NLRP7: variants seen among roughly 807,000 people sequenced by gnomAD.
The protein encoded by NLRP7 is NLR family pyrin domain containing 7, also known as NACHT, LRR and PYD domains-containing protein 7.
Under a neutral mutation model 85.5 loss-of-function variants are expected in NLRP7, and 72 were observed. The observed-to-expected ratio is 0.84, with a 90% confidence interval of 0.70 to 1.02. The LOEUF is 1.02. Among genes scored for constraint, NLRP7 ranks in the 50% least tolerant of loss-of-function variants. NLRP7 has a pLI of 0.00. For missense variants in NLRP7, 1,243 were observed against 1,219.5 expected (o/e 1.02, Z -0.29); for synonymous variants, 550 against 505.2 (o/e 1.09, Z -1.19).
chr19:54,937,778 T>C (rs2068998781), intron 5 of NLRP7, among the ~76,000 whole-genome samples: 1 of 150,984 alleles, frequency 6.6e-6, no homozygotes, highest in Admixed American at 6.7e-5. Flanking sequence ...ATGCCTGTAA[T>C]CCCAGCTACT....
At position 54,956,652 on chromosome 19, in the gene NLRP7, C is replaced by A. The variant is rs2069864732; in HGVS notation, c.-76-9147G>T. 2.6e-5 allele frequency among the ~76,000 whole-genome samples: 4 copies of A among 151,184 alleles called. No individual in the cohort carries two copies. In the South Asian group the frequency reaches 8.4e-4, roughly 32 times the overall value. On this transcript the variant is annotated intron_variant, in intron 1 of 2. Transcript: ENST00000587103. Reference sequence around the variant, plus strand: ...GAGGTTGCAGTGAGCTGAGATTGTGCCTTTGCACTCCAGCCTGGGAGACAG... The same window carrying A: ...GAGGTTGCAGTGAGCTGAGATTGTGACTTTGCACTCCAGCCTGGGAGACAG...
At chr19:54,938,810 A>G in intron 4 of NLRP7, 78 bp downstream of exon 4, 1 of 1,508,642 alleles carries the variant, frequency 6.6e-7, no homozygotes, top group Non-Finnish European at 9.2e-7. Context: ...CCAGAGGGAA[A>G]TTCTGACAGT....
chr19:54,938,056 A>G, exon 5 of NLRP7: 1 of 1,613,592 alleles, frequency 6.2e-7, no homozygotes, highest in Non-Finnish European at 8.5e-7. Flanking sequence ...CACTTTCTGC[A>G]GATGACAGGT....
intron 1 of NLRP7, among the ~76,000 whole-genome samples, chr19:54,963,988 C>A (rs1269841796): frequency 1.4e-5 from 2 of 147,734 alleles, no homozygotes; most frequent in Admixed American, 1.4e-4. Flanking sequence ...TCAAGCAATT[C>A]TCTGCTTCAG....
At chr19:54,942,854 A>G (rs1272756150) in intron 1 of NLRP7, among the ~76,000 whole-genome samples, 1 of 151,504 alleles carries the variant, frequency 6.6e-6, no homozygotes, top group Non-Finnish European at 1.5e-5. Flanking sequence ...AGATATAAAT[A>G]TAACTGTACT....
intron 1 of NLRP7, among the ~76,000 whole-genome samples, chr19:54,961,304 A>G (rs2070034094): frequency 6.6e-6 from 1 of 151,866 alleles, no homozygotes; most frequent in African/African-American, 2.4e-5. Flanking sequence ...CGAGGTCAGG[A>G]GTCCAAGACC....
chr19:54,937,954 G>A, intron 5 of NLRP7, 90 bp downstream of exon 5: 2 of 777,086 alleles, frequency 2.6e-6, no homozygotes, highest in African/African-American at 1.8e-5. Flanking sequence ...ACATGGAGAT[G>A]AAACAGCACA....
intron 1 of NLRP7, among the ~76,000 whole-genome samples, chr19:54,957,023 T>C (rs2069880012): frequency 6.6e-6 from 1 of 151,688 alleles, no homozygotes; most frequent in African/African-American, 2.4e-5. Context: ...TATTTATTTA[T>C]TTATTTATTT....
rs985927955 is a variant in NLRP7 at position 54,934,097 on chromosome 19, C to T, written c.2472-358G>A. ...TAGCTGGGACTACAGGCGCCCACCA[C>T]ACCTGGATAATTTTTTGTATTTTTT... On this transcript the variant is annotated intron_variant, in intron 7 of 9. Coordinates refer to ENST00000340844, the Ensembl canonical transcript of NLRP7. This position sits in a 1 kb window ranked among gnomAD's most constrained non-coding sequence, Gnocchi z 6.7. Among the ~76,000 whole-genome samples, 14 of 152,308 alleles carry T rather than the reference C, an allele frequency of 9.2e-5. No homozygotes were observed. The East Asian group carries it at 2.7e-3, about 29-fold the overall frequency.
At chr19:54,960,480 C>T (rs1032137442) in intron 1 of NLRP7, among the ~76,000 whole-genome samples, 2 of 151,854 alleles carry the variant, frequency 1.3e-5, no homozygotes, top group African/African-American at 4.8e-5. Context: ...ATCCATCCTT[C>T]TCCCCAGCCA....
chr19:54,952,244 T>C (rs1231288979), upstream of NLRP7, among the ~76,000 whole-genome samples: 3 of 151,900 alleles, frequency 2.0e-5, no homozygotes, highest in Non-Finnish European at 2.9e-5. Flanking sequence ...TTCATGCCCC[T>C]GTCTCCGCCA....
intron 9 of NLRP7, among the ~76,000 whole-genome samples, chr19:54,928,811 GT>G (rs56391688): frequency 6.6e-6 from 1 of 151,266 alleles, no homozygotes; most frequent in East Asian, 2.0e-4. Flanking sequence ...CTTTGGTTTT[GT>G]TTTTTTTAAG....
chr19:54,951,508 C>G (rs780246603), upstream of NLRP7, among the ~76,000 whole-genome samples: 1 of 151,936 alleles, frequency 6.6e-6, no homozygotes, highest in African/African-American at 2.4e-5. Flanking sequence ...CGAGGTCGCA[C>G]GACTGCACTC....
chr19:54,947,024 A>G (rs552261588), intron 1 of NLRP7, among the ~76,000 whole-genome samples: 51 of 152,182 alleles, frequency 3.4e-4, no homozygotes, highest in Admixed American at 2.9e-3. Flanking sequence ...ATATTTGAAT[A>G]GAAGTCCTTA....
chr19:54,960,297 A>T (rs376103811), intron 1 of NLRP7, among the ~76,000 whole-genome samples: 49 of 151,956 alleles, frequency 3.2e-4, no homozygotes, highest in African/African-American at 1.2e-3. Flanking sequence ...CTGGGATTAC[A>T]GGTGCCTGCC....
intron 1 of NLRP7, among the ~76,000 whole-genome samples, chr19:54,962,789 C>T (rs1030099996): frequency 1.9e-4 from 28 of 149,122 alleles, no homozygotes; most frequent in African/African-American, 5.1e-4. Flanking sequence ...TTAGTAGAGA[C>T]GGGGTTTCAC....
exon 9 of NLRP7, chr19:54,930,612 G>A (rs1408796732): frequency 1.2e-6 from 2 of 1,612,224 alleles, no homozygotes; most frequent in African/African-American, 2.7e-5. Context: ...AGGCTTCTTG[G>A]AGCGCCTCTG....
chr19:54,946,373 A>T (rs1326834574), intron 1 of NLRP7, among the ~76,000 whole-genome samples: 1 of 150,116 alleles, frequency 6.7e-6, no homozygotes, highest in Non-Finnish European at 1.5e-5. Context: ...CACCACGCCC[A>T]GCTAATTTTG....
chr19:54,929,922 G>T (rs2068600032), intron 9 of NLRP7, among the ~76,000 whole-genome samples: 1 of 122,134 alleles, frequency 8.2e-6, no homozygotes, highest in Non-Finnish European at 1.8e-5. Flanking sequence ...AGACCATCCT[G>T]GCTAACACTG....
Sources: allele counts gnomAD v4.1 joint callset (sites outside exome capture counted in the v4.1 genomes callset), GRCh38; gene constraint gnomAD v4.1.1; non-coding constraint Gnocchi (gnomAD v3.1); transcripts MANE v1.5; gene names NCBI Gene and HGNC (gene_info 2026-07-23, HGNC 2026-07-21).